STX8: variants seen among roughly 807,000 people sequenced by gnomAD.
STX8 encodes the protein syntaxin 8.
STX8 carries 23 observed loss-of-function variants against 37.5 expected under a neutral mutation model. That is an observed-to-expected ratio of 0.61 (90% CI 0.44 to 0.87). STX8 has a LOEUF of 0.87. STX8 is among the 40% of genes least tolerant of loss of function. The probability of loss-of-function intolerance (pLI) is 0.00; values close to 1 mark genes in which losing one functional copy is unlikely to be tolerated. For missense variants in STX8, 313 were observed against 284.7 expected, an observed-to-expected ratio of 1.10 and a Z score of -0.71; for synonymous variants, 115 against 99.1, an observed-to-expected ratio of 1.16 and a Z score of -0.95.
intron 7 of STX8, among the ~76,000 whole-genome samples, chr17:9,360,886 T>G (rs1174979110): frequency 6.6e-6 from 1 of 152,120 alleles, no homozygotes; most frequent in African/African-American, 2.4e-5. Context: ...GCTCCAGAGC[T>G]GCAGAAAGTA....
chr17:9,331,823 A>T (rs762391501), intron 7 of STX8, among the ~76,000 whole-genome samples: 16 of 151,872 alleles, frequency 1.1e-4, no homozygotes, highest in Non-Finnish European at 5.9e-5. Context: ...TTGCTTTCTC[A>T]TTAGAAATGC....
intron 7 of STX8, among the ~76,000 whole-genome samples, chr17:9,326,129 C>CTT (rs58852537): frequency 6.9e-6 from 1 of 145,460 alleles, no homozygotes. Flanking sequence ...TCCCTGTTTC[C>CTT]TTTTTTTTTT....
chr17:9,285,681 G>A (rs1908048551), intron 7 of STX8, among the ~76,000 whole-genome samples: 1 of 152,128 alleles, frequency 6.6e-6, no homozygotes, highest in Non-Finnish European at 1.5e-5. Flanking sequence ...AATACAAAAA[G>A]GCAAAACATC....
At chr17:9,330,373 T>A (rs1014452466) in intron 7 of STX8, among the ~76,000 whole-genome samples, 1 of 152,140 alleles carries the variant, frequency 6.6e-6, no homozygotes, top group Non-Finnish European at 1.5e-5. Context: ...CTGGCCTGGA[T>A]GGAATCAAGT....
At chr17:9,265,474 C>A (rs1193293935) in intron 7 of STX8, among the ~76,000 whole-genome samples, 1 of 152,264 alleles carries the variant, frequency 6.6e-6, no homozygotes, top group Non-Finnish European at 1.5e-5. Context: ...ATTGCCCCTG[C>A]CACCACAGTG....
intron 6 of STX8, among the ~76,000 whole-genome samples, chr17:9,433,616 T>C (rs1284445138): frequency 6.6e-6 from 1 of 151,970 alleles, no homozygotes; most frequent in Non-Finnish European, 1.5e-5. Flanking sequence ...TACCATTTTT[T>C]GTATGTGGGG....
intron 7 of STX8, among the ~76,000 whole-genome samples, chr17:9,315,051 G>A (rs1378081168): frequency 2.0e-5 from 3 of 147,632 alleles, no homozygotes; most frequent in Admixed American, 6.8e-5. Context: ...GCAGTCAGCC[G>A]AGATCGTGCC....
chr17:9,345,930 C>T (rs1289561835), intron 7 of STX8, among the ~76,000 whole-genome samples: 1 of 136,000 alleles, frequency 7.4e-6, no homozygotes, highest in African/African-American at 2.7e-5. Context: ...CAGCTCACTG[C>T]TACCTCCGCG....
At chr17:9,286,422 C>G (rs1239028709) in intron 7 of STX8, among the ~76,000 whole-genome samples, 3 of 152,218 alleles carry the variant, frequency 2.0e-5, no homozygotes, top group Non-Finnish European at 4.4e-5. Flanking sequence ...GTCTTGAACA[C>G]TGCCAGAGCT....
intron 6 of STX8, among the ~76,000 whole-genome samples, chr17:9,485,019 T>C (rs1567581058): frequency 6.6e-6 from 1 of 152,190 alleles, no homozygotes; most frequent in African/African-American, 2.4e-5. Flanking sequence ...CTGGGTATGA[T>C]GGCACATGCC....
At chr17:9,332,452 C>T (rs1049458591) in intron 7 of STX8, among the ~76,000 whole-genome samples, 1 of 152,190 alleles carries the variant, frequency 6.6e-6, no homozygotes, top group Non-Finnish European at 1.5e-5. Flanking sequence ...AAGGAAGGGA[C>T]AAAAATAGCG....
At chr17:9,407,286 C>T (rs1277654149) in intron 6 of STX8, among the ~76,000 whole-genome samples, 3 of 152,158 alleles carry the variant, frequency 2.0e-5, no homozygotes, top group South Asian at 4.1e-4. Context: ...GCCTTGGCCT[C>T]CCAAAGTGCT....
intron 6 of STX8, among the ~76,000 whole-genome samples, chr17:9,472,070 CTTTT>C (rs11364559): frequency 4.3e-5 from 6 of 139,840 alleles, no homozygotes; most frequent in Non-Finnish European, 7.8e-5. Context: ...TGGTAGATTC[CTTTT>C]TTTTTTTTTT....
chr17:9,315,349 C>A lies in STX8; in HGVS notation c.643+63203G>T, dbSNP rs116355534. ...CTTGCTCCACTGCTGATTTACCCAA[C>A]TGACCAGCATTCCCTCCTGGTAAGA... On this transcript the variant is annotated intron_variant, in intron 7 of 7. Transcript: ENST00000306357. Among the ~76,000 whole-genome samples, 372 of 151,766 alleles carry A rather than the reference C, an allele frequency of 2.5e-3. 2 individuals are homozygous for A. The highest frequency in any genetic ancestry group is 8.1e-3 in the African/African-American group (334 of 41,392).
At chr17:9,330,336 G>C (rs1171806438) in intron 7 of STX8, among the ~76,000 whole-genome samples, 1 of 152,196 alleles carries the variant, frequency 6.6e-6, no homozygotes, top group Admixed American at 6.5e-5. Context: ...AAGGTTACAA[G>C]AACAGCGACC....
At chr17:9,308,625 A>G (rs1274478068) in intron 7 of STX8, among the ~76,000 whole-genome samples, 1 of 145,122 alleles carries the variant, frequency 6.9e-6, no homozygotes, top group African/African-American at 2.5e-5. Context: ...TCGGAGGCTG[A>G]GGCGGGAGAA....
intron 5 of STX8, among the ~76,000 whole-genome samples, 189 bp downstream of exon 5, chr17:9,504,849 C>G (rs888371479): frequency 2.1e-4 from 32 of 151,696 alleles, no homozygotes; most frequent in Non-Finnish European, 3.5e-4. Context: ...TGGCACGCAC[C>G]TGTAGTCCCA....
At chr17:9,349,373 T>G (rs923706024) in intron 7 of STX8, among the ~76,000 whole-genome samples, 7 of 143,866 alleles carry the variant, frequency 4.9e-5, no homozygotes, top group Non-Finnish European at 9.0e-5. Flanking sequence ...CAGGCTAGAG[T>G]GCAGTGGCGC....
At chr17:9,462,357 G>C (rs955323180) in intron 6 of STX8, among the ~76,000 whole-genome samples, 5 of 152,138 alleles carry the variant, frequency 3.3e-5, no homozygotes, top group African/African-American at 1.2e-4. Flanking sequence ...GCAAACCAAG[G>C]CAGAGATCAT....
Sources: allele counts gnomAD v4.1 joint callset (sites outside exome capture counted in the v4.1 genomes callset), GRCh38; gene constraint gnomAD v4.1.1; transcripts MANE v1.5; gene names NCBI Gene and HGNC (gene_info 2026-07-23, HGNC 2026-07-21).